STARD13: variants seen among roughly 807,000 people sequenced by gnomAD.
STARD13 encodes StAR related lipid transfer domain containing 13, also known as stAR-related lipid transfer protein 13.
In STARD13, 62 loss-of-function variants were observed where a neutral mutation model predicts 106.4. That is an observed-to-expected ratio of 0.58 (90% CI 0.48 to 0.72). The LOEUF is 0.72. Ranked by LOEUF, STARD13 falls within the 30% of genes least tolerant of loss-of-function variation. STARD13 has a pLI of 0.00. For synonymous variants in STARD13, 565 were observed against 553.0 expected, an observed-to-expected ratio of 1.02 and a Z score of -0.31; for missense variants, 1,387 against 1,424.0, an observed-to-expected ratio of 0.97 and a Z score of 0.42.
intron 4 of STARD13, among the ~76,000 whole-genome samples, chr13:33,137,037 C>A (rs1209626202): frequency 6.6e-6 from 1 of 152,198 alleles, no homozygotes; most frequent in Non-Finnish European, 1.5e-5. Context: ...ATCATTATTT[C>A]CTGTTATATT....
chr13:33,381,107 G>C, the STARD13 span, among the ~76,000 whole-genome samples: 1 of 152,112 alleles, frequency 6.6e-6, no homozygotes, highest in East Asian at 1.9e-4. Context: ...ATGTATATTT[G>C]AGGGAACAAA....
Position 33,129,709 on chromosome 13 carries a change from A to G in STARD13, c.968T>C (p.Leu323Pro). ...GCCACTCGACTTGCCAGAGCATGGGAGCCCTTTTCTGCAGGCAGGTGGCGG... is the reference window on the plus strand; with the variant it reads ...GCCACTCGACTTGCCAGAGCATGGGGGCCCTTTTCTGCAGGCAGGTGGCGG... ...NSPPPACRKG[L>P]PCSGKSSGES... The change falls in exon 5 of 14, where the codon CTC becomes CCC. Residue 323 changes from leucine (L) to proline (P), a missense_variant. Transcript: ENST00000336934. 1 of 1,614,046 alleles carries G rather than the reference A, an allele frequency of 6.2e-7. No individual in the cohort carries two copies. Among genetic ancestry groups the G allele is most frequent in the Non-Finnish European group, 8.5e-7 (1 of 1,180,008 alleles).
chr13:33,134,356 C>T (rs1298911002), intron 4 of STARD13, among the ~76,000 whole-genome samples: 3 of 152,198 alleles, frequency 2.0e-5, no homozygotes, highest in Non-Finnish European at 4.4e-5. Context: ...CCAAAGCTGT[C>T]CTGGGCCACA....
At position 33,106,774 on chromosome 13, in the gene STARD13, A is replaced by G. The variant is rs532519517; in HGVS notation, c.3208T>C (p.Cys1070Arg). ...AGCACTTACTTCAGGTCTATCCTGC[A>G]GATGTGAGTCAGTCTTGACTTGCCA... is the stretch of plus-strand genomic sequence containing the variant. ...GSGKSRLTHI[C>R]RIDLKGHSPE... is the part of the protein sequence containing the mutation. Residue 1070 changes from cysteine (C) to arginine (R), a missense_variant, in exon 13 of 14, where the codon TGC (cysteine) becomes CGC (arginine). By Grantham distance (180) the Cys-to-Arg change is radical. Transcript: ENST00000336934. 6.2e-7 allele frequency: 1 copy of G among 1,613,334 alleles called. No individual in the cohort carries two copies. The highest frequency in any genetic ancestry group is 1.3e-5 in the African/African-American group (1 of 75,060).
intron 1 of STARD13, among the ~76,000 whole-genome samples, chr13:33,242,265 T>C (rs1379521564): frequency 6.6e-6 from 1 of 152,240 alleles, no homozygotes. Flanking sequence ...CAACAGCTCA[T>C]TGACAACGGG....
the STARD13 span, among the ~76,000 whole-genome samples, chr13:33,469,349 C>G: frequency 6.6e-6 from 1 of 152,082 alleles, no homozygotes; most frequent in African/African-American, 2.4e-5. Flanking sequence ...TAAATGAAAT[C>G]CAGTAATTTT....
chr13:33,564,417 G>A, the STARD13 span, among the ~76,000 whole-genome samples: 2 of 145,548 alleles, frequency 1.4e-5, no homozygotes, highest in African/African-American at 5.2e-5. Context: ...TGGAGAAAGG[G>A]GAACCATATA....
At chr13:33,270,047 C>G (rs1891083354) in intron 1 of STARD13, among the ~76,000 whole-genome samples, 1 of 152,084 alleles carries the variant, frequency 6.6e-6, no homozygotes, top group Admixed American at 6.5e-5. Flanking sequence ...ACCAGCCTGG[C>G]CAATCTGGTG....
chr13:33,582,638 T>C, the STARD13 span, among the ~76,000 whole-genome samples: 2 of 152,238 alleles, frequency 1.3e-5, no homozygotes, highest in Admixed American at 6.5e-5. Context: ...ACCTTTGCCT[T>C]GGAGTACTTT....
At chr13:33,491,603 A>G in the STARD13 span, among the ~76,000 whole-genome samples, 1 of 152,214 alleles carries the variant, frequency 6.6e-6, no homozygotes, top group African/African-American at 2.4e-5. Flanking sequence ...ATAAAATACA[A>G]TCAAGGATCT....
At chr13:33,247,826 G>T (rs922538533) in intron 1 of STARD13, among the ~76,000 whole-genome samples, 2 of 152,082 alleles carry the variant, frequency 1.3e-5, no homozygotes, top group Non-Finnish European at 2.9e-5. Flanking sequence ...AAAATAGTGG[G>T]TGCTGAGACC....
the STARD13 span, among the ~76,000 whole-genome samples, chr13:33,502,083 G>T: frequency 0.042 from 6,372 of 152,062 alleles, 425 homozygotes; most frequent in African/African-American, 0.14. Context: ...GTAGTTCTCC[G>T]TGAAGAGGTC....
At chr13:33,318,326 G>T (rs1272447525) in intron 1 of STARD13, among the ~76,000 whole-genome samples, 1 of 152,138 alleles carries the variant, frequency 6.6e-6, no homozygotes, top group South Asian at 2.1e-4. Context: ...AGAAAATTCA[G>T]TGAAGAAAGA....
At chr13:33,590,320 A>G in the STARD13 span, among the ~76,000 whole-genome samples, 1 of 152,120 alleles carries the variant, frequency 6.6e-6, no homozygotes, top group African/African-American at 2.4e-5. Context: ...AACTAGAAAT[A>G]TCATTTGACC....
the STARD13 span, among the ~76,000 whole-genome samples, chr13:33,497,982 A>G: frequency 2.0e-5 from 3 of 152,358 alleles, no homozygotes; most frequent in South Asian, 6.2e-4. Context: ...CACCATGTGC[A>G]TCAATAACAA....
At chr13:33,260,720 CA>C (rs943660178) in intron 1 of STARD13, among the ~76,000 whole-genome samples, 1 of 152,138 alleles carries the variant, frequency 6.6e-6, no homozygotes, top group African/African-American at 2.4e-5. Flanking sequence ...CATTTGAAAC[CA>C]AAATTTACCT....
chr13:33,429,927 T>G, the STARD13 span, among the ~76,000 whole-genome samples: 46,692 of 137,184 alleles, frequency 0.34, 7,783 homozygotes, highest in Non-Finnish European at 0.36. Context: ...ACTTTTTTTT[T>G]GGGGGGGGGG....
chr13:33,661,511 G>A, the STARD13 span, among the ~76,000 whole-genome samples: 6 of 152,150 alleles, frequency 3.9e-5, no homozygotes, highest in Non-Finnish European at 7.4e-5. Flanking sequence ...CCCGAAACTG[G>A]GTAATTAAGA....
chr13:33,321,249 T>C (rs1893548190), intron 1 of STARD13, among the ~76,000 whole-genome samples: 1 of 152,142 alleles, frequency 6.6e-6, no homozygotes, highest in African/African-American at 2.4e-5. Context: ...TTACCTGAGG[T>C]AACCCCAGCA....
Sources: allele counts gnomAD v4.1 joint callset (sites outside exome capture counted in the v4.1 genomes callset), GRCh38; gene constraint gnomAD v4.1.1; transcripts MANE v1.5; gene names NCBI Gene and HGNC (gene_info 2026-07-23, HGNC 2026-07-21).